The following GRID2 variants were observed in gnomAD, a reference collection of about 807,000 sequenced individuals.
The protein encoded by GRID2 is glutamate ionotropic receptor delta type subunit 2.
Under a neutral mutation model 114.8 loss-of-function variants are expected in GRID2, and 33 were observed. That is an observed-to-expected ratio of 0.29 (90% CI 0.22 to 0.38). The LOEUF (loss-of-function observed/expected upper bound fraction) is 0.38, where lower values mean the gene tolerates loss of function less well. Ranked by LOEUF, GRID2 falls within the 10% of genes least tolerant of loss-of-function variation. GRID2 has a pLI of 1.00. For missense variants in GRID2, 1,184 were observed against 1,257.7 expected (o/e 0.94, Z 0.89); for synonymous variants, 505 against 449.9 (o/e 1.12, Z -1.55).
chr4:92,565,186 T>C (rs1033412136), intron 1 of GRID2, among the ~76,000 whole-genome samples: 1 of 152,060 alleles, frequency 6.6e-6, no homozygotes, highest in Non-Finnish European at 1.5e-5. Flanking sequence ...TATGAGAATT[T>C]TGATAATATG....
chr4:92,806,166 G>GACACACACACACACACAC (rs56070810), intron 2 of GRID2, among the ~76,000 whole-genome samples: 2 of 133,256 alleles, frequency 1.5e-5, no homozygotes, highest in African/African-American at 2.8e-5. Context: ...ATAGGCTATC[G>GACACACACACACACACAC]ACACACACAC....
At position 92,335,443 on chromosome 4, in the gene GRID2, GTAATCAT is replaced by G. The variant is rs565529099; in HGVS notation, c.88+30709_88+30715del. ...TTGCCCAGCATGTAATGAACTCTCA[GTAATCAT>G]TAATCATTATTATGATTTATTTTTC... is the stretch of plus-strand genomic sequence containing the variant. On this transcript the variant is annotated intron_variant, in intron 1 of 15. Coordinates refer to ENST00000282020, the MANE Select transcript of GRID2 (RefSeq NM_001510.4). 1.9e-3 allele frequency among the ~76,000 whole-genome samples: 284 copies of G among 152,332 alleles called. No homozygotes were observed. The Middle Eastern group carries it at 0.02, about 11-fold the overall frequency.
intron 1 of GRID2, among the ~76,000 whole-genome samples, chr4:92,509,625 A>G (rs1724139991): frequency 6.6e-6 from 1 of 151,988 alleles, no homozygotes; most frequent in Non-Finnish European, 1.5e-5. Flanking sequence ...AGAAAAGTTA[A>G]GTAGAAAAAG....
chr4:93,580,568 A>G (rs1223021450), intron 13 of GRID2, among the ~76,000 whole-genome samples: 1 of 152,170 alleles, frequency 6.6e-6, no homozygotes, highest in Non-Finnish European at 1.5e-5. Flanking sequence ...TTGTTGCACC[A>G]GGCATGAATG....
intron 4 of GRID2, among the ~76,000 whole-genome samples, chr4:93,111,751 C>CTTTT (rs9307121): frequency 0.093 from 12,145 of 131,210 alleles, 972 homozygotes; most frequent in African/African-American, 0.19. Flanking sequence ...TTGTTTAATA[C>CTTTT]TTTTTTTTTT....
intron 1 of GRID2, among the ~76,000 whole-genome samples, chr4:92,351,502 G>T (rs1043690273): frequency 6.6e-6 from 1 of 151,694 alleles, no homozygotes; most frequent in Non-Finnish European, 1.5e-5. Context: ...ATTTGTTTGT[G>T]TTGGGATCTT....
chr4:92,314,933 T>TGATTTCTG (rs1259522562), intron 1 of GRID2, among the ~76,000 whole-genome samples: 3 of 152,206 alleles, frequency 2.0e-5, no homozygotes, highest in Non-Finnish European at 2.9e-5. Flanking sequence ...CATATTCATA[T>TGATTTCTG]GATTTCTGTG....
At chr4:92,940,582 T>A (rs1047024650) in intron 2 of GRID2, among the ~76,000 whole-genome samples, 2 of 152,194 alleles carry the variant, frequency 1.3e-5, no homozygotes, top group African/African-American at 4.8e-5. Context: ...CTAATTGCCC[T>A]GGCCAGAACT....
intron 8 of GRID2, among the ~76,000 whole-genome samples, chr4:93,277,915 G>A (rs1001143143): frequency 2.6e-5 from 4 of 151,950 alleles, no homozygotes; most frequent in Non-Finnish European, 5.9e-5. Flanking sequence ...ATGAAACTGA[G>A]TATTGAGAGA....
intron 1 of GRID2, among the ~76,000 whole-genome samples, chr4:92,375,376 C>T (rs1182572786): frequency 3.3e-5 from 5 of 151,994 alleles, no homozygotes; most frequent in African/African-American, 2.4e-5. Context: ...TGCTATTATT[C>T]ATTGCATCTT....
chr4:92,728,694 C>A (rs1288742226), intron 2 of GRID2, among the ~76,000 whole-genome samples: 2 of 151,864 alleles, frequency 1.3e-5, no homozygotes, highest in African/African-American at 2.4e-5. Flanking sequence ...AGGCACTGCA[C>A]AGACTTGTGA....
intron 2 of GRID2, among the ~76,000 whole-genome samples, chr4:92,916,149 A>G (rs556236332): frequency 2.6e-4 from 40 of 152,164 alleles, no homozygotes; most frequent in Middle Eastern, 3.4e-3. Flanking sequence ...TCCTGTGCCT[A>G]TGTCCTAAAT....
At chr4:92,551,910 T>C (rs1466025713) in intron 1 of GRID2, among the ~76,000 whole-genome samples, 2 of 151,750 alleles carry the variant, frequency 1.3e-5, no homozygotes, top group African/African-American at 4.8e-5. Flanking sequence ...CTCTCTCCAG[T>C]AGAAAGGAAT....
intron 13 of GRID2, among the ~76,000 whole-genome samples, chr4:93,580,394 A>G (rs1484263958): frequency 6.6e-6 from 1 of 152,176 alleles, no homozygotes; most frequent in African/African-American, 2.4e-5. Context: ...GCACCCACTG[A>G]CGCACAAAAA....
intron 2 of GRID2, among the ~76,000 whole-genome samples, chr4:92,744,144 T>C (rs1390792572): frequency 2.0e-5 from 3 of 152,090 alleles, no homozygotes; most frequent in Admixed American, 2.0e-4. Flanking sequence ...CCAGTCTGCA[T>C]GAGAAAGCAG....
rs897770658 is a variant in GRID2 at position 92,772,600 on chromosome 4, T to G, written c.244+182314T>G. 2.3e-4 allele frequency among the ~76,000 whole-genome samples: 35 copies of G among 152,198 alleles called. 1 individual carries two copies. Among genetic ancestry groups the G allele is most frequent in the Non-Finnish European group, 2.9e-5 (2 of 68,038 alleles). On this transcript the variant is annotated intron_variant, in intron 2 of 15. Coordinates refer to ENST00000282020, the MANE Select transcript of GRID2 (RefSeq NM_001510.4). ...TATTGTAGATATTATCCCATTTTAG[T>G]AATGACAAAACTGAGTCACTATGAA...
At chr4:93,711,039 G>T (rs980096622) in intron 14 of GRID2, among the ~76,000 whole-genome samples, 2 of 151,922 alleles carry the variant, frequency 1.3e-5, no homozygotes, top group Non-Finnish European at 2.9e-5. Context: ...CTAAGGCCTG[G>T]AATCAGGGAT....
At chr4:92,851,885 G>A (rs887695009) in intron 2 of GRID2, among the ~76,000 whole-genome samples, 1 of 151,922 alleles carries the variant, frequency 6.6e-6, no homozygotes, top group Non-Finnish European at 1.5e-5. Flanking sequence ...CAAAAAATAT[G>A]TACTTTCTTT....
chr4:93,150,312 C>T (rs965510119), intron 4 of GRID2, among the ~76,000 whole-genome samples: 3 of 152,064 alleles, frequency 2.0e-5, no homozygotes, highest in Admixed American at 2.0e-4. Flanking sequence ...TTTAACCTAA[C>T]CATTATATCT....
Sources: gnomAD v4.1 joint callset for allele counts (sites outside exome capture counted in the v4.1 genomes callset) on GRCh38, gnomAD v4.1.1 for gene constraint, MANE v1.5 for transcripts, NCBI Gene and HGNC (gene_info 2026-07-23, HGNC 2026-07-21) for gene names.